The following INPPL1 variants were observed in gnomAD, a reference collection of about 807,000 sequenced individuals.
The protein encoded by INPPL1 is phosphatidylinositol 3,4,5-trisphosphate 5-phosphatase 2.
In INPPL1, 91 loss-of-function variants were observed where a neutral mutation model predicts 139.3. The ratio of observed to expected loss-of-function variants is 0.65; its 90% CI spans 0.55 to 0.78. INPPL1 has a LOEUF of 0.78. Ranked by LOEUF, INPPL1 falls within the 30% of genes least tolerant of loss-of-function variation. INPPL1 has a pLI of 0.00. For missense variants in INPPL1, 1,411 were observed against 1,665.6 expected (o/e 0.85, Z 2.66); for synonymous variants, 719 against 686.6 (o/e 1.05, Z -0.74).
At position 72,238,514 on chromosome 11, in the gene INPPL1, C is replaced by A; in HGVS notation, c.*161C>A. 1.8e-6 allele frequency: 1 copy of A among 566,064 alleles called. No individual in the cohort carries two copies. Among genetic ancestry groups the A allele is most frequent in the Non-Finnish European group, 2.9e-6 (1 of 339,012 alleles). The allele number at this position is 566,064 out of a possible 1,614,324, so 35.1% of individuals were successfully genotyped here. On this transcript the variant is annotated 3_prime_UTR_variant, in exon 28 of 28. Transcript: ENST00000298229. ...GGATCTGCATTCCCCGCTGCCCAAT[C>A]ATTTGCAATGCCCTAATTAGGGCAT... is the stretch of plus-strand genomic sequence containing the variant.
chr11:72,223,596 T>A (rs1376918809), upstream of INPPL1: 2 of 152,054 alleles, frequency 1.3e-5, no homozygotes, highest in East Asian at 3.9e-4. Flanking sequence ...CGTTTCTCCT[T>A]AATTAATAAT....
chr11:72,227,974 G>GC, intron 1 of INPPL1: 1 of 506,464 alleles, frequency 2.0e-6, no homozygotes, highest in Non-Finnish European at 3.6e-6. Flanking sequence ...CTGGTGGGGA[G>GC]ACGGGGGTGT....
In INPPL1 at chr11:72,234,268, C is replaced by T. The variant is rs1201905308; in HGVS notation, c.2213-13C>T. 2 of 1,589,994 alleles carry T rather than the reference C, an allele frequency of 1.3e-6. No homozygotes were observed. The highest frequency in any genetic ancestry group is 1.3e-5 in the African/African-American group (1 of 74,248). ...CTCAGTCCTCCTGTTTGTTCTCCTC[C>T]CTTTCTCCTCAGGGCTCTCAAAGAC... On this transcript the variant is annotated splice_polypyrimidine_tract_variant and intron_variant, in intron 19 of 27. Transcript: ENST00000298229. The surrounding 1 kb of genome is among the most constrained non-coding windows in gnomAD (Gnocchi z 4.2).
At chr11:72,230,944 G>C in intron 11 of INPPL1, 46 bp downstream of exon 11, 1 of 1,612,404 alleles carries the variant, frequency 6.2e-7, no homozygotes, top group Non-Finnish European at 8.5e-7. Context: ...GATGGCCCCA[G>C]AGCAGGTGCC....
rs556625332 is a variant in INPPL1, at chr11:72,234,745, G to A, written c.2415+130G>A. Reference sequence around the variant, plus strand: ...AGAGAGAGAGAGAGTGTGTGTGTGTGTGTGTGTGTGTGTGTGTGTATGGGC... The same window carrying A: ...AGAGAGAGAGAGAGTGTGTGTGTGTATGTGTGTGTGTGTGTGTGTATGGGC... On this transcript the variant is annotated intron_variant, in intron 21 of 27. Transcript: ENST00000298229. This position sits in a 1 kb window ranked among gnomAD's most constrained non-coding sequence, Gnocchi z 4.2. 3.6e-5 allele frequency: 23 copies of A among 641,660 alleles called. No individual in the cohort carries two copies. The African/African-American group carries it at 4.2e-4, about 12-fold the overall frequency. The allele number at this position is 641,660 out of a possible 1,614,324, so 39.7% of individuals were successfully genotyped here. A position where few individuals can be genotyped will look rare whatever the true frequency, so the allele number is the denominator to read the frequency against.
Position 72,235,598 on chromosome 11 carries a change from G to A in INPPL1, c.2660-77G>A. 6.3e-7 allele frequency: 1 copy of A among 1,587,878 alleles called. No individual in the cohort carries two copies. The highest frequency in any genetic ancestry group is 8.6e-7 in the Non-Finnish European group (1 of 1,160,892). ...CCTGCCCCAAGGCATAGCTGGGAAA[G>A]GGCTGGCAGGCCCACTGGGTGTCTG... On this transcript the variant is annotated intron_variant, in intron 23 of 27. Coordinates refer to ENST00000298229, the MANE Select transcript of INPPL1 (RefSeq NM_001567.4). The surrounding 1 kb of genome is among the most constrained non-coding windows in gnomAD (Gnocchi z 4.9).
In INPPL1 at chr11:72,235,938, C is replaced by G; in HGVS notation, c.2831C>G (p.Pro944Arg). ...GAGAAACCGCCACCAACGGGGAGGCCCCCAGCCCCACCCCGAGCAGCTCCC... is the reference window on the plus strand; with the variant it reads ...GAGAAACCGCCACCAACGGGGAGGCGCCCAGCCCCACCCCGAGCAGCTCCC... ...EPEKPPPTGR[P>R]PAPPRAAPRE... The change falls in exon 25 of 28, where the codon CCC becomes CGC. Residue 944 changes from proline (P) to arginine (R), a missense_variant. By Grantham distance (103) the Pro-to-Arg change is moderately radical. This residue lies in a region of INPPL1 where 438 missense variants were observed against 425.7 expected (regional missense o/e 1.03). Transcript: ENST00000298229. The surrounding 1 kb of genome is among the most constrained non-coding windows in gnomAD (Gnocchi z 4.9). 1.2e-6 allele frequency: 2 copies of G among 1,612,066 alleles called. No individual in the cohort carries two copies. Among genetic ancestry groups the G allele is most frequent in the Non-Finnish European group, 1.7e-6 (2 of 1,179,276 alleles).
chr11:72,230,978 C>T lies in INPPL1; in HGVS notation c.1301-15C>T, dbSNP rs761051043. ...CCTAACCCCTCCAGACCCACCTCACCCCCTTCACCTCCAGGAAGTGTACCA... is the reference window on the plus strand; with the variant it reads ...CCTAACCCCTCCAGACCCACCTCACTCCCTTCACCTCCAGGAAGTGTACCA... On this transcript the variant is annotated splice_polypyrimidine_tract_variant and intron_variant, in intron 11 of 27. Transcript: ENST00000298229. The T allele has an allele frequency of 6.2e-7, 1 of 1,612,200 alleles. No individual in the cohort carries two copies. The highest frequency in any genetic ancestry group is 1.1e-5 in the South Asian group (1 of 90,926).
chr11:72,227,585 A>G (rs920179367), intron 1 of INPPL1, among the ~76,000 whole-genome samples: 4 of 152,026 alleles, frequency 2.6e-5, no homozygotes, highest in Admixed American at 6.5e-5. Flanking sequence ...CACCTGCTCA[A>G]CTGCGGCTCC....
Position 72,234,379 on chromosome 11 carries a change from T to G in INPPL1, c.2311T>G (p.Ser771Ala). The change falls in exon 20 of 28, where the codon TCT (serine) becomes GCT (alanine). Residue 771 changes from serine to alanine, a missense_variant. Around this residue, in one of 5 missense-constraint regions of INPPL1, gnomAD observed 363 missense variants for 446.2 expected, o/e 0.81. Coordinates refer to ENST00000298229, the MANE Select transcript of INPPL1 (RefSeq NM_001567.4). The surrounding 1 kb of genome is among the most constrained non-coding windows in gnomAD (Gnocchi z 4.2). ...CACCAAGTTCTTCATCGAGTTCTAC[T>G]CTACCTGCCTGGAGGGTCAGAGGCG... ...SRTKFFIEFYSTCLEEYKKSF... is the reference protein window; with the variant it reads ...SRTKFFIEFYATCLEEYKKSF... 1 of 1,614,066 alleles carries G rather than the reference T, an allele frequency of 6.2e-7. No homozygotes were observed. The highest frequency in any genetic ancestry group is 8.5e-7 in the Non-Finnish European group (1 of 1,179,956).
rs1949015544 is a variant in INPPL1 at position 72,237,315 on chromosome 11, C to G, written c.3071C>G (p.Pro1024Arg). Reference sequence around the variant, plus strand: ...AAAGTGGCCATTACAGTGCCTGCTCCACAGCTTGGGCACCACCGGCACCCT... The same window carrying G: ...AAAGTGGCCATTACAGTGCCTGCTCGACAGCTTGGGCACCACCGGCACCCT... ...KNKVAITVPA[P>R]QLGHHRHPRV... The change falls in exon 26 of 28, where the codon CCA becomes CGA. Residue 1024 changes from proline to arginine, a missense_variant. Transcript: ENST00000298229. The G allele has an allele frequency of 1.2e-6, 2 of 1,613,882 alleles. No homozygotes were observed. The highest frequency in any genetic ancestry group is 2.7e-5 in the African/African-American group (2 of 74,896).
chr11:72,229,890 T>TC (rs1161641666), intron 7 of INPPL1, 34 bp from the exon 8 acceptor site: 1 of 1,601,988 alleles, frequency 6.2e-7, no homozygotes, highest in Non-Finnish European at 8.5e-7. Context: ...CTTCAGTGTG[T>TC]CCCCTGACCC....
chr11:72,230,876 C>T lies in INPPL1; in HGVS notation c.1278C>T (p.Val426=), dbSNP rs151261252. Residue 426 remains valine (V), a synonymous_variant, in exon 11 of 28, where the codon GTC becomes GTT. Transcript: ENST00000298229. The part of the protein sequence containing the change: ...SKQDEPDMIS[V]FIGTWNMGSV... ...AGGACGAGCCCGACATGATCTCAGT[C>T]TTCATAGGCACCTGGAACATGGGTC... The T allele has an allele frequency of 1.3e-4, 214 of 1,614,034 alleles. No individual in the cohort carries two copies. In the African/African-American group the frequency reaches 2.6e-3, roughly 20 times the overall value.
Position 72,233,710 on chromosome 11 carries a change from G to A in INPPL1, c.2178G>A (p.Glu726=). 1.9e-6 allele frequency: 3 copies of A among 1,614,142 alleles called. No individual in the cohort carries two copies. The highest frequency in any genetic ancestry group is 2.5e-6 in the Non-Finnish European group (3 of 1,180,026). ...SDHSPVFGTF[E]VGVTSQFISK... ...ATTCCCCCGTGTTTGGGACATTTGA[G>A]GTTGGAGTTACCTCCCAGTTCATCT... The change falls in exon 19 of 28, where the codon GAG becomes GAA. Residue 726 remains glutamate (E), a synonymous_variant. Coordinates refer to ENST00000298229, the MANE Select transcript of INPPL1 (RefSeq NM_001567.4).
At position 72,237,741 on chromosome 11, in the gene INPPL1, T is replaced by C; in HGVS notation, c.3497T>C (p.Leu1166Pro). 4.3e-6 allele frequency: 7 copies of C among 1,611,424 alleles called. No individual in the cohort carries two copies. Among genetic ancestry groups the C allele is most frequent in the Non-Finnish European group, 5.9e-6 (7 of 1,179,398 alleles). ...RGLPSDYGRP[L>P]SFPPPRIRES... ...CTGCCCTCGGACTATGGCCGGCCCCTCAGCTTCCCTCCACCCCGCATCCGG... is the reference window on the plus strand; with the variant it reads ...CTGCCCTCGGACTATGGCCGGCCCCCCAGCTTCCCTCCACCCCGCATCCGG... The change falls in exon 26 of 28, where the codon CTC (leucine) becomes CCC (proline). Residue 1166 changes from leucine (L) to proline (P), a missense_variant. Physicochemically the swap from Leu to Pro is moderately conservative, Grantham distance 98. Transcript: ENST00000298229.
chr11:72,234,525 A>G lies in INPPL1; in HGVS notation c.2327-2A>G. ...GTTGGGTGTCTCCCACCCCCACCCC[A>G]GAATACAAGAAGAGCTTTGAGAATG... is the stretch of plus-strand genomic sequence containing the variant. On this transcript the variant is annotated splice_acceptor_variant, in intron 20 of 27. Transcript: ENST00000298229. LOFTEE classifies it high-confidence loss of function. This position sits in a 1 kb window ranked among gnomAD's most constrained non-coding sequence, Gnocchi z 4.2. 7.8e-7 allele frequency: 1 copy of G among 1,284,096 alleles called. No homozygotes were observed. Among genetic ancestry groups the G allele is most frequent in the Non-Finnish European group, 1.1e-6 (1 of 883,870 alleles). 79.5% of individuals were successfully genotyped at this position (1,284,096 alleles called of 1,614,324 possible). A position where few individuals can be genotyped will look rare whatever the true frequency, so the allele number is the denominator to read the frequency against.
Position 72,229,098 on chromosome 11 carries a change from A to G in INPPL1, c.527A>G (p.Asn176Ser), listed in dbSNP as rs1438703369. The change falls in exon 5 of 28, where the codon AAT (asparagine) becomes AGT (serine). Residue 176 changes from asparagine to serine, a missense_variant. Around this residue, in one of 5 missense-constraint regions of INPPL1, gnomAD observed 504 missense variants for 595.6 expected, o/e 0.85. Coordinates refer to ENST00000298229, the MANE Select transcript of INPPL1 (RefSeq NM_001567.4). ...TTAACCCCTCCCCAAAGTGCTCCCA[A>G]TGGGCTGAGCACCGTCTCGCACGAC... is the stretch of plus-strand genomic sequence containing the variant. ...PTAPAAESAP[N>S]GLSTVSHDYL... 5.0e-6 allele frequency: 8 copies of G among 1,610,070 alleles called. No homozygotes were observed. Among genetic ancestry groups the G allele is most frequent in the Non-Finnish European group, 3.4e-6 (4 of 1,177,582 alleles).
chr11:72,235,467 G>A lies in INPPL1; in HGVS notation c.2659+16G>A. ...CGGCTCTACGGTGGGGACTCCACTGGGACATGAGATAGGGTGGTGTGAACA... is the reference window on the plus strand; with the variant it reads ...CGGCTCTACGGTGGGGACTCCACTGAGACATGAGATAGGGTGGTGTGAACA... On this transcript the variant is annotated intron_variant, in intron 23 of 27. Coordinates refer to ENST00000298229, the MANE Select transcript of INPPL1 (RefSeq NM_001567.4). The surrounding 1 kb of genome is among the most constrained non-coding windows in gnomAD (Gnocchi z 4.9). 1 of 1,609,544 alleles carries A rather than the reference G, an allele frequency of 6.2e-7. No homozygotes were observed. The highest frequency in any genetic ancestry group is 8.5e-7 in the Non-Finnish European group (1 of 1,179,212).
In INPPL1 at chr11:72,237,529, A is replaced by G. The variant is rs921239003; in HGVS notation, c.3285A>G (p.Pro1095=). The G allele has an allele frequency of 9.3e-6, 15 of 1,606,796 alleles. No individual in the cohort carries two copies. The highest frequency in any genetic ancestry group is 1.3e-5 in the Non-Finnish European group (15 of 1,175,406). The change falls in exon 26 of 28, where the codon CCA becomes CCG. Residue 1095 remains proline, a synonymous_variant. Coordinates refer to ENST00000298229, the MANE Select transcript of INPPL1 (RefSeq NM_001567.4). ...GCCCACCACCTCCCAAGGCCCATCC[A>G]AGGCCTCCACTGCCCCCAGGCCCCT... ...ARGPPPPKAH[P]RPPLPPGPSP... is the part of the protein sequence containing the mutation.
Sources: gnomAD v4.1 joint callset for allele counts (sites outside exome capture counted in the v4.1 genomes callset) on GRCh38, gnomAD v4.1.1 for gene constraint, gnomAD v4.1.1 regional missense constraint, Gnocchi (gnomAD v3.1) non-coding constraint, MANE v1.5 for transcripts, NCBI Gene and HGNC (gene_info 2026-07-23, HGNC 2026-07-21) for gene names.